The following ARMC9 variants were observed in gnomAD, a reference collection of about 807,000 sequenced individuals.
The protein encoded by ARMC9 is armadillo repeat containing 9, also known as lisH domain-containing protein ARMC9.
A neutral mutation model predicts 107.0 loss-of-function variants in ARMC9; 94 were observed. That is an observed-to-expected ratio of 0.88 (90% CI 0.74 to 1.04). The LOEUF (loss-of-function observed/expected upper bound fraction) is 1.04, where lower values mean the gene tolerates loss of function less well. ARMC9 is among the 50% of genes least tolerant of loss of function. ARMC9 has a pLI of 0.00. For missense variants in ARMC9, 942 were observed against 1,030.1 expected, an observed-to-expected ratio of 0.91 and a Z score of 1.17; for synonymous variants, 380 against 396.9, an observed-to-expected ratio of 0.96 and a Z score of 0.51.
intron 6 of ARMC9, among the ~76,000 whole-genome samples, chr2:231,226,063 GC>G (rs752104878): frequency 8.5e-5 from 13 of 152,114 alleles, no homozygotes; most frequent in Non-Finnish European, 1.9e-4. Context: ...TGCCATGTTG[GC>G]CAGGCTGGTC....
chr2:231,248,536 G>A (rs1404868058), intron 9 of ARMC9, among the ~76,000 whole-genome samples: 2 of 152,068 alleles, frequency 1.3e-5, no homozygotes, highest in African/African-American at 2.4e-5. Context: ...AGGGCCGGAC[G>A]TGGTGGCTTA....
intron 10 of ARMC9, among the ~76,000 whole-genome samples, chr2:231,258,477 G>A (rs578005222): frequency 3.1e-4 from 47 of 152,156 alleles, no homozygotes; most frequent in African/African-American, 8.9e-4. Context: ...CACCACGCCC[G>A]GCCCCCGACT....
At chr2:231,306,464 C>G (rs1394079729) in intron 19 of ARMC9, among the ~76,000 whole-genome samples, 1 of 151,976 alleles carries the variant, frequency 6.6e-6, no homozygotes, top group African/African-American at 2.4e-5. Context: ...AGAGTTAGAA[C>G]AGTATAATGG....
At position 231,211,719 on chromosome 2, in the gene ARMC9, A is replaced by G. The variant is rs891451832; in HGVS notation, c.178-3112A>G. Among the ~76,000 whole-genome samples, 9 of 152,194 alleles carry G rather than the reference A, an allele frequency of 5.9e-5. No homozygotes were observed. The South Asian group carries it at 1.9e-3, about 32-fold the overall frequency. On this transcript the variant is annotated intron_variant, in intron 3 of 24. Coordinates refer to ENST00000611582, the MANE Select transcript of ARMC9 (RefSeq NM_001352754.2). The stretch of plus-strand genomic sequence containing the variant: ...TATACTATTTTCCATTCCCACCAGC[A>G]GTACATAAGCGTTCCAGTTTCTCTA...
chr2:231,257,106 C>T (rs144413975), intron 10 of ARMC9, among the ~76,000 whole-genome samples: 18 of 152,350 alleles, frequency 1.2e-4, no homozygotes, highest in South Asian at 2.1e-4. Flanking sequence ...TGAGCCACCG[C>T]GCCTGGCCAT....
intron 13 of ARMC9, 76 bp from the exon 14 acceptor site, chr2:231,272,879 C>G: frequency 6.5e-7 from 1 of 1,527,480 alleles, no homozygotes; most frequent in Non-Finnish European, 8.9e-7. Flanking sequence ...AGTAAGTTTT[C>G]GTGGAAAGTG....
chr2:231,338,874 T>C (rs1406994896), intron 20 of ARMC9, among the ~76,000 whole-genome samples: 16 of 151,588 alleles, frequency 1.1e-4, no homozygotes, highest in Admixed American at 1.0e-3. Context: ...TCTGTCTACA[T>C]ATATGAAGAT....
At chr2:231,337,115 C>A (rs1239446048) in intron 20 of ARMC9, among the ~76,000 whole-genome samples, 1 of 151,862 alleles carries the variant, frequency 6.6e-6, no homozygotes, top group East Asian at 1.9e-4. Flanking sequence ...TATTACTTTT[C>A]GGGTTTTTTT....
chr2:231,200,974 A>T (rs567214873), intron 1 of ARMC9, among the ~76,000 whole-genome samples: 1 of 152,220 alleles, frequency 6.6e-6, no homozygotes, highest in Non-Finnish European at 1.5e-5. Context: ...GCATACATCA[A>T]CCACAGGCTT....
At chr2:231,306,696 C>T (rs749411306) in intron 19 of ARMC9, among the ~76,000 whole-genome samples, 1 of 151,534 alleles carries the variant, frequency 6.6e-6, no homozygotes, top group Non-Finnish European at 1.5e-5. Context: ...GCTAATTGTC[C>T]AAGCAGTCAA....
intron 18 of ARMC9, among the ~76,000 whole-genome samples, chr2:231,292,117 G>A (rs961691099): frequency 2.0e-5 from 3 of 149,806 alleles, no homozygotes; most frequent in African/African-American, 4.9e-5. Context: ...GTAGTGAGCC[G>A]AGATTGCGCC....
At chr2:231,305,195 A>G (rs962936999) in intron 19 of ARMC9, among the ~76,000 whole-genome samples, 7 of 152,336 alleles carry the variant, frequency 4.6e-5, no homozygotes, top group South Asian at 2.1e-4. Context: ...TCTATCATCT[A>G]TCATCATCCC....
intron 19 of ARMC9, among the ~76,000 whole-genome samples, chr2:231,310,386 C>A (rs1343225071): frequency 6.7e-6 from 1 of 149,620 alleles, no homozygotes; most frequent in African/African-American, 2.5e-5. Context: ...CCATTGCACT[C>A]CAGCCTGGGC....
Position 231,360,341 on chromosome 2 carries a change from G to T in ARMC9, c.2132-413G>T, listed in dbSNP as rs1045603358. 6.6e-6 allele frequency among the ~76,000 whole-genome samples: 1 copy of T among 150,538 alleles called. No homozygotes were observed. The highest frequency in any genetic ancestry group is 2.5e-5 in the African/African-American group (1 of 39,838). On this transcript the variant is annotated intron_variant, in intron 22 of 24. Coordinates refer to ENST00000611582, the MANE Select transcript of ARMC9 (RefSeq NM_001352754.2). This position sits in a 1 kb window ranked among gnomAD's most constrained non-coding sequence, Gnocchi z 4.7. ...TGAGGAGCACCCTACCTCTCAGGTT[G>T]TTGGTTTTAGCAAATAAAACTACAC...
chr2:231,283,375 A>G (rs1302032825), intron 17 of ARMC9, among the ~76,000 whole-genome samples: 1 of 152,214 alleles, frequency 6.6e-6, no homozygotes, highest in Non-Finnish European at 1.5e-5. Flanking sequence ...GCACACTGGT[A>G]TTAGTTATCT....
intron 24 of ARMC9, chr2:231,371,031 C>T (rs1293273229): frequency 4.4e-6 from 2 of 455,266 alleles, no homozygotes; most frequent in Non-Finnish European, 8.8e-6. Flanking sequence ...ACCCCTCCCA[C>T]TTCCCACTGG....
At chr2:231,320,587 TC>T (rs1396143956) in intron 19 of ARMC9, among the ~76,000 whole-genome samples, 1 of 151,812 alleles carries the variant, frequency 6.6e-6, no homozygotes, top group Non-Finnish European at 1.5e-5. Context: ...TAGTGTCCTT[TC>T]CTTCCTTTTC....
chr2:231,353,713 C>A (rs1028466863), intron 21 of ARMC9, among the ~76,000 whole-genome samples: 18 of 151,816 alleles, frequency 1.2e-4, no homozygotes, highest in Non-Finnish European at 2.4e-4. Flanking sequence ...CTGCCACCGG[C>A]CACCTTCCAC....
intron 7 of ARMC9, among the ~76,000 whole-genome samples, chr2:231,228,018 C>T (rs1018602651): frequency 6.6e-6 from 1 of 152,180 alleles, no homozygotes; most frequent in Non-Finnish European, 1.5e-5. Context: ...GTTGCCCTAC[C>T]CCCAGTACAG....
Sources: allele counts gnomAD v4.1 joint callset (sites outside exome capture counted in the v4.1 genomes callset), GRCh38; gene constraint gnomAD v4.1.1; non-coding constraint Gnocchi (gnomAD v3.1); transcripts MANE v1.5; gene names NCBI Gene and HGNC (gene_info 2026-07-23, HGNC 2026-07-21).